ACTC1: variants seen among roughly 807,000 people sequenced by gnomAD.
ACTC1 encodes the protein actin alpha cardiac muscle 1.
Under a neutral mutation model 31.6 loss-of-function variants are expected in ACTC1, and 10 were observed. That is an observed-to-expected ratio of 0.32 (90% CI 0.19 to 0.54). The LOEUF is 0.54. Ranked by LOEUF, ACTC1 falls within the 20% of genes least tolerant of loss-of-function variation. The pLI is 0.95. For synonymous variants in ACTC1, 196 were observed against 185.0 expected (o/e 1.06, Z -0.48); for missense variants, 129 against 506.4 (o/e 0.25, Z 7.15).
At chr15:34,794,938 A>AC in intron 1 of ACTC1, 108 bp from the exon 2 acceptor site, 1 of 257,334 alleles carries the variant, frequency 3.9e-6, no homozygotes, top group Non-Finnish European at 6.9e-6. Flanking sequence ...GGGACTGGAC[A>AC]GGGGGTTGGG....
chr15:34,793,917 T>A lies in ACTC1; in HGVS notation c.130-348A>T, dbSNP rs568877892. 2.0e-5 allele frequency among the ~76,000 whole-genome samples: 3 copies of A among 152,340 alleles called. No individual in the cohort carries two copies. The highest frequency in any genetic ancestry group is 7.2e-5 in the African/African-American group (3 of 41,574). ...CAACTGGAATATAGATGACTGCATT[T>A]TGGAATGACTGAATTAATGACACAT... On this transcript the variant is annotated intron_variant, in intron 2 of 6. Transcript: ENST00000290378. This position sits in a 1 kb window ranked among gnomAD's most constrained non-coding sequence, Gnocchi z 4.8.
chr15:34,791,395 C>A, intron 5 of ACTC1, 100 bp from the exon 6 acceptor site: 1 of 1,490,230 alleles, frequency 6.7e-7, no homozygotes, highest in Non-Finnish European at 9.2e-7. Flanking sequence ...GAGAACAGAA[C>A]TTCTTTGTGT....
chr15:34,793,680 G>T lies in ACTC1; in HGVS notation c.130-111C>A, dbSNP rs1287728279. On this transcript the variant is annotated intron_variant, in intron 2 of 6. Coordinates refer to ENST00000290378, the MANE Select transcript of ACTC1 (RefSeq NM_005159.5). The surrounding 1 kb of genome is among the most constrained non-coding windows in gnomAD (Gnocchi z 4.8). ...AGTCAAGGAACATATTTAAATACCA[G>T]AAATAACAAGCAATACGATTTTACC... is the stretch of plus-strand genomic sequence containing the variant. The T allele has an allele frequency of 2.0e-6, 2 of 1,016,148 alleles. No homozygotes were observed. The highest frequency in any genetic ancestry group is 3.2e-5 in the African/African-American group (2 of 62,616). 62.9% of individuals were successfully genotyped at this position (1,016,148 alleles called of 1,614,324 possible).
At chr15:34,794,612 G>A in intron 2 of ACTC1, 68 bp downstream of exon 2, 3 of 1,559,850 alleles carry the variant, frequency 1.9e-6, no homozygotes, top group Non-Finnish European at 1.7e-6. Flanking sequence ...GGTCAGGTGA[G>A]AGCCATTTCC....
chr15:34,794,411 A>C (rs548779007), intron 2 of ACTC1, among the ~76,000 whole-genome samples: 1 of 152,350 alleles, frequency 6.6e-6, no homozygotes, highest in Middle Eastern at 3.4e-3. Context: ...AAAGACTAAA[A>C]GTCCAAAAGG....
intron 2 of ACTC1, among the ~76,000 whole-genome samples, chr15:34,794,209 A>G (rs972119424): frequency 2.0e-5 from 3 of 152,244 alleles, no homozygotes; most frequent in African/African-American, 7.2e-5. Context: ...CTGGCTTCTA[A>G]AAATGCAACA....
chr15:34,791,425 G>T (rs1213947245), intron 5 of ACTC1, 130 bp from the exon 6 acceptor site: 1 of 1,284,078 alleles, frequency 7.8e-7, no homozygotes, highest in East Asian at 2.4e-5. Context: ...GTCACCATTT[G>T]TCTCTGAAAC....
Position 34,792,783 on chromosome 15 carries a change from T to C in ACTC1, c.455-214A>G. ...CAGCTCATCTTTTTAACTATTATAG[T>C]AGAAAAAATTCCCGAGGACACTTTC... is the stretch of plus-strand genomic sequence containing the variant. On this transcript the variant is annotated intron_variant, in intron 3 of 6. Coordinates refer to ENST00000290378, the MANE Select transcript of ACTC1 (RefSeq NM_005159.5). This position sits in a 1 kb window ranked among gnomAD's most constrained non-coding sequence, Gnocchi z 5.3. 1 of 592,896 alleles carries C rather than the reference T, an allele frequency of 1.7e-6. No individual in the cohort carries two copies. The highest frequency in any genetic ancestry group is 3.0e-6 in the Non-Finnish European group (1 of 337,592). The allele number at this position is 592,896 out of a possible 1,614,324, so 36.7% of individuals were successfully genotyped here.
chr15:34,793,157 C>T lies in ACTC1; in HGVS notation c.454+88G>A. The T allele has an allele frequency of 2.2e-6, 3 of 1,357,412 alleles. No homozygotes were observed. Among genetic ancestry groups the T allele is most frequent in the South Asian group, 1.2e-5 (1 of 80,810 alleles). 84.1% of individuals were successfully genotyped at this position (1,357,412 alleles called of 1,614,324 possible). A position where few individuals can be genotyped will look rare whatever the true frequency, so the allele number is the denominator to read the frequency against. ...AGGGAATGGGAGGAAAGGGATTATC[C>T]CTTTTTCAACTGGGGGATCTGATTC... On this transcript the variant is annotated intron_variant, in intron 3 of 6. Coordinates refer to ENST00000290378, the MANE Select transcript of ACTC1 (RefSeq NM_005159.5). The surrounding 1 kb of genome is among the most constrained non-coding windows in gnomAD (Gnocchi z 4.8).
rs1757858848 is a variant in ACTC1, at chr15:34,793,990, T to C, written c.130-421A>G. Among the ~76,000 whole-genome samples the C allele has an allele frequency of 6.6e-6, 1 of 152,232 alleles. No homozygotes were observed. Among genetic ancestry groups the C allele is most frequent in the South Asian group, 2.1e-4 (1 of 4,828 alleles). ...TTTTGACATTCAAGTGAACACATAA[T>C]GATGGGCTGATATGCCATCCTCACT... On this transcript the variant is annotated intron_variant, in intron 2 of 6. Coordinates refer to ENST00000290378, the MANE Select transcript of ACTC1 (RefSeq NM_005159.5). The surrounding 1 kb of genome is among the most constrained non-coding windows in gnomAD (Gnocchi z 4.8).
chr15:34,794,467 C>A (rs868555864), intron 2 of ACTC1, among the ~76,000 whole-genome samples: 3 of 152,214 alleles, frequency 2.0e-5, no homozygotes, highest in Non-Finnish European at 4.4e-5. Flanking sequence ...GGGAGTGGGA[C>A]CCTTTTAGAG....
intron 6 of ACTC1, among the ~76,000 whole-genome samples, 170 bp downstream of exon 6, chr15:34,790,939 GAAGTT>G (rs1490767783): frequency 1.3e-5 from 2 of 152,068 alleles, no homozygotes; most frequent in African/African-American, 4.8e-5. Context: ...AAGCATTTTG[GAAGTT>G]ACCTATCTTG....
chr15:34,793,263 C>A lies in ACTC1; in HGVS notation c.436G>T (p.Ala146Ser). 6.2e-7 allele frequency: 1 copy of A among 1,614,082 alleles called. No individual in the cohort carries two copies. Among genetic ancestry groups the A allele is most frequent in the Non-Finnish European group, 8.5e-7 (1 of 1,179,992 alleles). ...AGCATACCTGTGGTACGGCCAGAAG[C>A]ATACAGGGATAGCACTGCCTGGATG... ...VAIQAVLSLYASGRTTGIVLD... is the reference protein window; with the variant it reads ...VAIQAVLSLYSSGRTTGIVLD... Residue 146 changes from alanine to serine, a missense_variant, in exon 3 of 7, where the codon GCT becomes TCT. By Grantham distance (99) the Ala-to-Ser change is moderately conservative. Transcript: ENST00000290378. The surrounding 1 kb of genome is among the most constrained non-coding windows in gnomAD (Gnocchi z 4.8).
At chr15:34,795,148 T>G (rs944546846) in intron 1 of ACTC1, among the ~76,000 whole-genome samples, 5 of 151,796 alleles carry the variant, frequency 3.3e-5, no homozygotes, top group African/African-American at 9.7e-5. Flanking sequence ...CTTTCTTCCT[T>G]TTCACGAACT....
At chr15:34,790,807 C>T (rs1015721087) in intron 6 of ACTC1, among the ~76,000 whole-genome samples, 5 of 152,128 alleles carry the variant, frequency 3.3e-5, no homozygotes, top group Non-Finnish European at 7.3e-5. Flanking sequence ...AATTTGGCAA[C>T]AAGCTAAATG....
chr15:34,790,981 A>G, intron 6 of ACTC1, 133 bp downstream of exon 6: 1 of 856,708 alleles, frequency 1.2e-6, no homozygotes, highest in South Asian at 2.2e-5. Flanking sequence ...AATCAGAAAA[A>G]GTGGTAGAAA....
At position 34,791,185 on chromosome 15, in the gene ACTC1, T is replaced by C; in HGVS notation, c.919A>G (p.Met307Val). 1 of 1,614,120 alleles carries C rather than the reference T, an allele frequency of 6.2e-7. No individual in the cohort carries two copies. The change falls in exon 6 of 7, where the codon ATG (methionine) becomes GTG (valine). Residue 307 changes from methionine (M) to valine (V), a missense_variant. Physicochemically the swap from Met to Val is conservative, Grantham distance 21. Around this residue, in one of 5 missense-constraint regions of ACTC1, gnomAD observed 44 missense variants for 127.4 expected, o/e 0.35. Coordinates refer to ENST00000290378, the MANE Select transcript of ACTC1 (RefSeq NM_005159.5). ...ATACGATCAGCAATACCAGGGTACA[T>C]AGTGGTGCCTCCAGATAAGACATTG... ...ANNVLSGGTT[M>V]YPGIADRMQK...
rs1301608337 is a variant in ACTC1, at chr15:34,790,387, A to G, written c.*25T>C. The G allele has an allele frequency of 6.2e-7, 1 of 1,612,664 alleles. No individual in the cohort carries two copies. The highest frequency in any genetic ancestry group is 1.7e-5 in the Admixed American group (1 of 60,012). On this transcript the variant is annotated 3_prime_UTR_variant, in exon 7 of 7. Transcript: ENST00000290378. ...AGCATAATACCGTCATCCTGACTGG[A>G]AGGTAGATGGAGAGAGAAGGCATCT...
intron 5 of ACTC1, 147 bp from the exon 6 acceptor site, chr15:34,791,442 T>C: frequency 8.6e-7 from 1 of 1,165,486 alleles, no homozygotes; most frequent in Admixed American, 2.0e-5. Flanking sequence ...AAACATATGT[T>C]CCCCTATAAG....
Sources: allele counts gnomAD v4.1 joint callset (sites outside exome capture counted in the v4.1 genomes callset), GRCh38; gene constraint gnomAD v4.1.1; regional missense constraint gnomAD v4.1.1; non-coding constraint Gnocchi (gnomAD v3.1); transcripts MANE v1.5; gene names NCBI Gene and HGNC (gene_info 2026-07-23, HGNC 2026-07-21).